Variants in CDK5RAP2 observed in about 807,000 individuals in gnomAD.
CDK5RAP2 encodes CDK5 regulatory subunit-associated protein 2.
Under a neutral mutation model 232.9 loss-of-function variants are expected in CDK5RAP2, and 147 were observed. The ratio of observed to expected loss-of-function variants is 0.63; its 90% CI spans 0.55 to 0.72. The LOEUF (loss-of-function observed/expected upper bound fraction) is 0.72. Among genes scored for constraint, CDK5RAP2 ranks in the 30% least tolerant of loss-of-function variants. The pLI, the probability that CDK5RAP2 is intolerant of heterozygous loss-of-function variation, is 0.00. For synonymous variants in CDK5RAP2, 833 were observed against 833.7 expected (o/e 1.00, Z 0.01); for missense variants, 2,195 against 2,231.5 (o/e 0.98, Z 0.33).
intron 7 of CDK5RAP2, 59 bp from the exon 8 acceptor site, chr9:120,530,199 T>C: frequency 1.4e-6 from 2 of 1,381,104 alleles, no homozygotes; most frequent in South Asian, 1.2e-5. Context: ...TCAGTGGAGC[T>C]GGAGGAGGAA....
rs1007503871 is a variant in CDK5RAP2, at chr9:120,434,925, C to T, written c.3955+2370G>A. On this transcript the variant is annotated intron_variant, in intron 25 of 37. Transcript: ENST00000349780. ...GAAAGGGGAATGGAAAGCAATACTA[C>T]TGGAGATAAGGGAAAAGGAGAAAAA... 3.3e-5 allele frequency among the ~76,000 whole-genome samples: 5 copies of T among 152,236 alleles called. No homozygotes were observed. The South Asian group carries it at 1.0e-3, about 32-fold the overall frequency.
intron 5 of CDK5RAP2, among the ~76,000 whole-genome samples, chr9:120,545,105 G>T (rs1240314599): frequency 6.6e-6 from 1 of 151,890 alleles, no homozygotes; most frequent in Non-Finnish European, 1.5e-5. Flanking sequence ...TATTACGAGG[G>T]TCCCTAGGAC....
At chr9:120,407,500 C>A (rs1281409128) in intron 31 of CDK5RAP2, 1 of 540,640 alleles carries the variant, frequency 1.8e-6, no homozygotes, top group African/African-American at 1.9e-5. Context: ...GCAAATTGCA[C>A]ACCAAACCCC....
At chr9:120,520,566 C>T (rs1385658208) in intron 11 of CDK5RAP2, among the ~76,000 whole-genome samples, 1 of 152,068 alleles carries the variant, frequency 6.6e-6, no homozygotes, top group African/African-American at 2.4e-5. Flanking sequence ...TTGCTTGAAC[C>T]CAGGAGGCAG....
chr9:120,554,774 C>T (rs963051329), intron 3 of CDK5RAP2, among the ~76,000 whole-genome samples: 1 of 152,094 alleles, frequency 6.6e-6, no homozygotes, highest in East Asian at 1.9e-4. Flanking sequence ...GCTGGGACTA[C>T]AGGCATGTGC....
At chr9:120,418,791 G>A (rs1392085634) in intron 27 of CDK5RAP2, among the ~76,000 whole-genome samples, 1 of 152,172 alleles carries the variant, frequency 6.6e-6, no homozygotes, top group African/African-American at 2.4e-5. Context: ...TATGTCTTCT[G>A]TCTTCAAACT....
chr9:120,410,567 G>C (rs1448615341), intron 29 of CDK5RAP2, among the ~76,000 whole-genome samples: 1 of 152,202 alleles, frequency 6.6e-6, no homozygotes, highest in East Asian at 1.9e-4. Context: ...CTCCCTGAGG[G>C]AAGGGATGAA....
chr9:120,426,294 G>T (rs28517681), intron 25 of CDK5RAP2, among the ~76,000 whole-genome samples: 4,504 of 152,280 alleles, frequency 0.03, 227 homozygotes, highest in African/African-American at 0.1. Context: ...GAGGTCCTGA[G>T]AACATGTGCC....
At chr9:120,518,881 AAG>A (rs1260472809) in intron 11 of CDK5RAP2, among the ~76,000 whole-genome samples, 1 of 152,190 alleles carries the variant, frequency 6.6e-6, no homozygotes, top group Admixed American at 6.5e-5. Context: ...ACCAGAAAAA[AAG>A]CACAAATTCT....
intron 5 of CDK5RAP2, among the ~76,000 whole-genome samples, chr9:120,543,240 C>A (rs139862852): frequency 6.6e-6 from 1 of 152,320 alleles, no homozygotes; most frequent in Non-Finnish European, 1.5e-5. Flanking sequence ...ACTGGACTAG[C>A]TTCCTGACTG....
intron 26 of CDK5RAP2, 68 bp from the exon 27 acceptor site, chr9:120,420,028 C>A: frequency 8.1e-7 from 1 of 1,228,500 alleles, no homozygotes; most frequent in East Asian, 2.3e-5. Context: ...CTATGACTTA[C>A]GAATACTTAC....
At chr9:120,513,207 G>A (rs1423133605) in intron 12 of CDK5RAP2, among the ~76,000 whole-genome samples, 2 of 152,162 alleles carry the variant, frequency 1.3e-5, no homozygotes, top group South Asian at 2.1e-4. Context: ...TGACCTCTCA[G>A]AGCCTGACTT....
intron 36 of CDK5RAP2, among the ~76,000 whole-genome samples, chr9:120,392,181 C>T (rs1020387610): frequency 1.3e-5 from 2 of 152,084 alleles, no homozygotes; most frequent in African/African-American, 4.8e-5. Flanking sequence ...AAGTACAATA[C>T]AGTTTAGGTA....
chr9:120,400,180 A>C (rs568738895), intron 35 of CDK5RAP2, among the ~76,000 whole-genome samples: 6 of 152,254 alleles, frequency 3.9e-5, no homozygotes, highest in Admixed American at 3.3e-4. Flanking sequence ...CATGCATCCC[A>C]CACACAGAAA....
rs141496431 is a variant in CDK5RAP2 at position 120,443,734 on chromosome 9, G to C, written c.3034C>G (p.Pro1012Ala). The change falls in exon 23 of 38, where the codon CCT becomes GCT. Residue 1012 changes from proline to alanine, a missense_variant. Transcript: ENST00000349780. ...PDKTLLNAQP[P>A]VGAAYQDSPG... ...CTGTCCTGGTAGGCTGCTCCCACAGGGGGCTGAGCTACAGGCAATCACAAA... is the reference window on the plus strand; with the variant it reads ...CTGTCCTGGTAGGCTGCTCCCACAGCGGGCTGAGCTACAGGCAATCACAAA... The C allele has an allele frequency of 2.0e-4, 318 of 1,614,004 alleles. 1 individual carries two copies. The highest frequency in any genetic ancestry group is 8.9e-4 in the African/African-American group (67 of 74,996).
intron 2 of CDK5RAP2, among the ~76,000 whole-genome samples, chr9:120,569,919 G>A (rs981737274): frequency 1.3e-5 from 2 of 152,188 alleles, no homozygotes; most frequent in East Asian, 3.9e-4. Flanking sequence ...GTCTGATTCC[G>A]ATACTTTAAA....
At chr9:120,546,553 G>A (rs2041848773) in intron 4 of CDK5RAP2, among the ~76,000 whole-genome samples, 2 of 152,212 alleles carry the variant, frequency 1.3e-5, no homozygotes, top group African/African-American at 4.8e-5. Flanking sequence ...GTAGTAGATG[G>A]GGGTTTGGGT....
At position 120,456,700 on chromosome 9, in the gene CDK5RAP2, C is replaced by T. The variant is rs138600401; in HGVS notation, c.2375+1750G>A. ...TGTTAAACTAAATTTTCCTTCCCTC[C>T]GCCTCTTTAACATAGATTAAAAAGT... On this transcript the variant is annotated intron_variant, in intron 20 of 37. Coordinates refer to ENST00000349780, the MANE Select transcript of CDK5RAP2 (RefSeq NM_018249.6). Among the ~76,000 whole-genome samples the T allele has an allele frequency of 4.1e-3, 621 of 152,246 alleles. 3 individuals are homozygous for T. The highest frequency in any genetic ancestry group is 0.014 in the African/African-American group (576 of 41,534).
chr9:120,431,032 T>C (rs2035254539), intron 25 of CDK5RAP2, among the ~76,000 whole-genome samples: 2 of 152,100 alleles, frequency 1.3e-5, no homozygotes. Context: ...AAACACCGCA[T>C]GTTCTCACTC....
Sources: gnomAD v4.1 joint callset for allele counts (sites outside exome capture counted in the v4.1 genomes callset) on GRCh38, gnomAD v4.1.1 for gene constraint, MANE v1.5 for transcripts, NCBI Gene and HGNC (gene_info 2026-07-23, HGNC 2026-07-21) for gene names.